The following WLS variants were observed in gnomAD, a reference collection of about 807,000 sequenced individuals.
WLS encodes the protein Wnt ligand secretion mediator, also known as protein wntless homolog.
In WLS, 23 loss-of-function variants were observed where a neutral mutation model predicts 62.8. The ratio of observed to expected loss-of-function variants is 0.37; its 90% CI spans 0.26 to 0.52. The LOEUF is 0.52. WLS is among the 20% of genes least tolerant of loss of function. The pLI is 0.92. For missense variants in WLS, 615 were observed against 697.3 expected (o/e 0.88, Z 1.33); for synonymous variants, 246 against 244.1 (o/e 1.01, Z -0.07).
chr1:68,216,951 A>G (rs1649753820), intron 1 of WLS, among the ~76,000 whole-genome samples: 1 of 152,210 alleles, frequency 6.6e-6, no homozygotes, highest in African/African-American at 2.4e-5. Flanking sequence ...GTGCGTTTAT[A>G]CCATGGACTT....
chr1:68,150,116 G>A, intron 6 of WLS, 72 bp downstream of exon 6: 1 of 1,512,350 alleles, frequency 6.6e-7, no homozygotes, highest in South Asian at 1.2e-5. Flanking sequence ...GAGGCAAAGG[G>A]GGGCAGGTGT....
intron 11 of WLS, among the ~76,000 whole-genome samples, chr1:68,105,143 G>A (rs890130086): frequency 1.3e-5 from 2 of 152,120 alleles, no homozygotes. Flanking sequence ...CCAATTCATT[G>A]ACAGAAAAGT....
intron 1 of WLS, among the ~76,000 whole-genome samples, chr1:68,225,790 C>T (rs1342348264): frequency 6.6e-6 from 1 of 152,198 alleles, no homozygotes; most frequent in African/African-American, 2.4e-5. Flanking sequence ...AAAACCTCTC[C>T]AACCTCCACT....
intron 2 of WLS, among the ~76,000 whole-genome samples, chr1:68,166,304 C>T (rs1187628088): frequency 6.6e-6 from 1 of 152,182 alleles, no homozygotes; most frequent in Non-Finnish European, 1.5e-5. Flanking sequence ...AACTGGCTAA[C>T]TTGTGATAGA....
At chr1:68,232,536 G>T, upstream of WLS, 1 of 682,530 alleles carries the variant, frequency 1.5e-6, no homozygotes, top group Non-Finnish European at 2.2e-6. Flanking sequence ...CCGCTCCGCC[G>T]CCTGTGGACG....
intron 2 of WLS, among the ~76,000 whole-genome samples, chr1:68,175,890 GAAAGA>G (rs963997751): frequency 1.3e-5 from 2 of 152,210 alleles, no homozygotes; most frequent in African/African-American, 2.4e-5. Flanking sequence ...GCTGCCAGCA[GAAAGA>G]AAAGAAGAGA....
chr1:68,107,611 CCTCA>C lies in WLS; in HGVS notation c.1511-8862_1511-8859del, dbSNP rs367919988. Among the ~76,000 whole-genome samples the C allele has an allele frequency of 4.5e-3, 679 of 152,308 alleles. 1 individual carries two copies. Among genetic ancestry groups the C allele is most frequent in the African/African-American group, 0.015 (634 of 41,546 alleles). On this transcript the variant is annotated intron_variant, in intron 11 of 11. Coordinates refer to the WLS transcript ENST00000354777. ...CATGTGAAAGTACCTTTCAACTGTA[CCTCA>C]CTCTGAGAGAGAAGGGGGAAAAAAA...
At chr1:68,119,624 C>T (rs991479497) in intron 11 of WLS, among the ~76,000 whole-genome samples, 5 of 152,230 alleles carry the variant, frequency 3.3e-5, no homozygotes, top group Admixed American at 6.5e-5. Flanking sequence ...AGGCCCTGGC[C>T]GTGCACCTTG....
chr1:68,174,942 G>A (rs1341278169), intron 2 of WLS, among the ~76,000 whole-genome samples: 2 of 152,164 alleles, frequency 1.3e-5, no homozygotes, highest in Non-Finnish European at 2.9e-5. Flanking sequence ...ACTAACTGCT[G>A]AGTTAATCAA....
intron 1 of WLS, 85 bp downstream of exon 1, chr1:68,232,109 A>C (rs1650455052): frequency 6.4e-7 from 1 of 1,562,350 alleles, no homozygotes. Context: ...AGGCAGTGAT[A>C]CTGTAACAAG....
chr1:68,110,667 C>G (rs924147424), intron 11 of WLS, among the ~76,000 whole-genome samples: 1 of 81,746 alleles, frequency 1.2e-5, no homozygotes, highest in Non-Finnish European at 3.5e-5. Flanking sequence ...GTCTCTCTCT[C>G]TCTCTCTCTC....
At chr1:68,102,519 CAG>C (rs1213740432) in intron 11 of WLS, 1 of 152,184 alleles carries the variant, frequency 6.6e-6, no homozygotes, top group Non-Finnish European at 1.5e-5. Context: ...TGTGCAGGTC[CAG>C]ACCCAGCTGG....
intron 11 of WLS, among the ~76,000 whole-genome samples, chr1:68,104,061 C>T (rs1333140245): frequency 6.6e-6 from 1 of 152,108 alleles, no homozygotes; most frequent in Non-Finnish European, 1.5e-5. Context: ...ACTATCCAGA[C>T]CGTTGAAGAG....
chr1:68,153,454 CA>C, intron 5 of WLS, 62 bp downstream of exon 5: 1 of 1,602,350 alleles, frequency 6.2e-7, no homozygotes, highest in East Asian at 2.2e-5. Flanking sequence ...CCAGCAAAAG[CA>C]AGAGCTTGGC....
At chr1:68,227,748 A>ATCTTGTCAAGAT (rs1047103601) in intron 1 of WLS, among the ~76,000 whole-genome samples, 1 of 152,208 alleles carries the variant, frequency 6.6e-6, no homozygotes. Context: ...CAATTGATTA[A>ATCTTGTCAAGAT]TCTTGTCAAG....
chr1:68,133,306 A>T (rs1201503899), intron 11 of WLS, among the ~76,000 whole-genome samples: 1 of 152,208 alleles, frequency 6.6e-6, no homozygotes, highest in Non-Finnish European at 1.5e-5. Context: ...ACCCAGGGGA[A>T]GTCCACGAAA....
intron 1 of WLS, among the ~76,000 whole-genome samples, chr1:68,229,226 T>C (rs1278478201): frequency 6.6e-6 from 1 of 152,208 alleles, no homozygotes; most frequent in Non-Finnish European, 1.5e-5. Context: ...TTTTGTGCTG[T>C]ATATTTGTGT....
intron 2 of WLS, among the ~76,000 whole-genome samples, chr1:68,166,814 C>A (rs1647066312): frequency 6.6e-6 from 1 of 152,182 alleles, no homozygotes; most frequent in Admixed American, 6.5e-5. Context: ...CAATCTGAAG[C>A]AGAGGTGTTA....
At chr1:68,106,417 A>G (rs1356595344) in intron 11 of WLS, among the ~76,000 whole-genome samples, 1 of 152,030 alleles carries the variant, frequency 6.6e-6, no homozygotes, top group Non-Finnish European at 1.5e-5. Context: ...CTGCAGCTTG[A>G]GTGTTCCTAA....
Sources: gnomAD v4.1 joint callset for allele counts (sites outside exome capture counted in the v4.1 genomes callset) on GRCh38, gnomAD v4.1.1 for gene constraint, MANE v1.5 for transcripts, NCBI Gene and HGNC (gene_info 2026-07-23, HGNC 2026-07-21) for gene names.